Variants in TMEM260 observed in about 807,000 individuals in gnomAD.
TMEM260 encodes the protein protein O-mannosyl-transferase TMEM260.
TMEM260 carries 82 observed loss-of-function variants against 88.9 expected under a neutral mutation model. That is an observed-to-expected ratio of 0.92 (90% CI 0.77 to 1.11). TMEM260 has a LOEUF of 1.11. TMEM260 is among the 50% of genes least tolerant of loss of function. The pLI, the probability that TMEM260 is intolerant of heterozygous loss-of-function variation, is 0.00. For synonymous variants in TMEM260, 314 were observed against 309.3 expected, an observed-to-expected ratio of 1.02 and a Z score of -0.16; for missense variants, 902 against 853.4, an observed-to-expected ratio of 1.06 and a Z score of -0.71.
chr14:56,593,626 T>C (rs1886006728), intron 3 of TMEM260, among the ~76,000 whole-genome samples: 1 of 149,996 alleles, frequency 6.7e-6, no homozygotes, highest in Non-Finnish European at 1.5e-5. Context: ...AGTTTACCTC[T>C]CTAACAGTGT....
chr14:56,619,206 C>T (rs1887763504), intron 10 of TMEM260, among the ~76,000 whole-genome samples: 1 of 152,174 alleles, frequency 6.6e-6, no homozygotes, highest in South Asian at 2.1e-4. Context: ...AGGTCTTATT[C>T]TGTCCCCTAG....
chr14:56,589,905 C>T (rs1285934156), intron 3 of TMEM260, among the ~76,000 whole-genome samples: 2 of 152,102 alleles, frequency 1.3e-5, no homozygotes, highest in African/African-American at 2.4e-5. Context: ...TTAGAGAATG[C>T]GGAATCTCTT....
intron 15 of TMEM260, 108 bp downstream of exon 15, chr14:56,636,706 TTC>T (rs1224475550): frequency 2.3e-5 from 22 of 971,652 alleles, no homozygotes; most frequent in Middle Eastern, 2.3e-4. Context: ...ATTATTTTAT[TTC>T]TCTCAATTTG....
intron 3 of TMEM260, among the ~76,000 whole-genome samples, chr14:56,593,624 T>G (rs1000160551): frequency 2.0e-5 from 3 of 148,844 alleles, no homozygotes; most frequent in Non-Finnish European, 3.0e-5. Context: ...TAAGTTTACC[T>G]CTCTAACAGT....
intron 3 of TMEM260, among the ~76,000 whole-genome samples, chr14:56,597,471 C>G (rs1481918648): frequency 2.6e-5 from 4 of 152,072 alleles, no homozygotes; most frequent in Non-Finnish European, 5.9e-5. Context: ...TAGGGACTTG[C>G]AAGTCATTTA....
At position 56,609,130 on chromosome 14, in the gene TMEM260, A is replaced by G; in HGVS notation, c.661A>G (p.Lys221Glu). Reference protein sequence around the residue: ...KKELSLGSLLKLSLYFSAGLL... With the variant: ...KKELSLGSLLELSLYFSAGLL... ...GGAACTCTCCCTGGGCTCTTTGTTG[A>G]AGTTGAGCCTGTACTTCTCTGCTGG... The change falls in exon 6 of 16, where the codon AAG becomes GAG. Residue 221 changes from lysine to glutamate, a missense_variant. Lys to Glu is a moderately conservative substitution (Grantham distance 56). Transcript: ENST00000261556. The G allele has an allele frequency of 6.2e-7, 1 of 1,614,040 alleles. No individual in the cohort carries two copies. The highest frequency in any genetic ancestry group is 8.5e-7 in the Non-Finnish European group (1 of 1,179,954).
chr14:56,649,979 C>T, downstream of TMEM260: 1 of 365,622 alleles, frequency 2.7e-6, no homozygotes, highest in Middle Eastern at 3.9e-4. Context: ...GGGCTTCATT[C>T]CCAGATGAAC....
chr14:56,614,221 A>T lies in TMEM260; in HGVS notation c.858-1723A>T, dbSNP rs1435456944. Among the ~76,000 whole-genome samples the T allele has an allele frequency of 1.1e-4, 9 of 82,284 alleles. No homozygotes were observed. The South Asian group carries it at 3.9e-3, about 36-fold the overall frequency. The allele number at this position is 82,284 out of a possible 152,430, so 54.0% of individuals were successfully genotyped here. A position where few individuals can be genotyped will look rare whatever the true frequency, so the allele number is the denominator to read the frequency against. On this transcript the variant is annotated intron_variant, in intron 7 of 15. Coordinates refer to ENST00000261556, the MANE Select transcript of TMEM260 (RefSeq NM_017799.4). ...AACACAACCGGCCTACAAAACATTAAAAAAAAAAAAAAAAAAGGCATGGTG... is the reference window on the plus strand; with the variant it reads ...AACACAACCGGCCTACAAAACATTATAAAAAAAAAAAAAAAAGGCATGGTG...
In TMEM260 at chr14:56,599,610, TAGC is replaced by T. The variant is rs1474897090; in HGVS notation, c.345-4202_345-4200del. Among the ~76,000 whole-genome samples, 4 of 152,328 alleles carry T rather than the reference TAGC, an allele frequency of 2.6e-5. No individual in the cohort carries two copies. In the South Asian group the frequency reaches 6.2e-4, roughly 24 times the overall value. ...GGTAAACTTTAAAAAAAATTTGTAT[TAGC>T]AGAGGAGTCTTCTTATACATGTAGC... On this transcript the variant is annotated intron_variant, in intron 3 of 15. Coordinates refer to ENST00000261556, the MANE Select transcript of TMEM260 (RefSeq NM_017799.4).
chr14:56,657,037 T>G, the TMEM260 span, among the ~76,000 whole-genome samples: 1 of 152,156 alleles, frequency 6.6e-6, no homozygotes, highest in African/African-American at 2.4e-5. Context: ...TTCCCAAACT[T>G]AGATTTTACC....
intron 12 of TMEM260, among the ~76,000 whole-genome samples, chr14:56,632,540 T>C (rs1368934863): frequency 6.6e-6 from 1 of 151,248 alleles, no homozygotes; most frequent in Non-Finnish European, 1.5e-5. Flanking sequence ...TGCTACTTCT[T>C]GGGCTGCAAA....
chr14:56,645,508 G>A (rs971241512), intron 15 of TMEM260, among the ~76,000 whole-genome samples: 2 of 151,946 alleles, frequency 1.3e-5, no homozygotes, highest in African/African-American at 4.8e-5. Flanking sequence ...TGGGGGTAGG[G>A]GGGAGGGATA....
chr14:56,626,125 G>T (rs1888231163), intron 12 of TMEM260, among the ~76,000 whole-genome samples: 1 of 152,134 alleles, frequency 6.6e-6, no homozygotes, highest in Admixed American at 6.6e-5. Flanking sequence ...AGATTGTCCA[G>T]AGCTTGAAGA....
At position 56,603,798 on chromosome 14, in the gene TMEM260, G is replaced by A. The variant is rs1218576268; in HGVS notation, c.345-17G>A. ...TTTTTGTTGGAAAAGAAGATTTCAT[G>A]TTATCTGTGTTTGCAGGCTTTCTGG... is the stretch of plus-strand genomic sequence containing the variant. On this transcript the variant is annotated splice_polypyrimidine_tract_variant and intron_variant, in intron 3 of 15. Transcript: ENST00000261556. The A allele has an allele frequency of 6.2e-7, 1 of 1,613,482 alleles. No individual in the cohort carries two copies. The highest frequency in any genetic ancestry group is 8.5e-7 in the Non-Finnish European group (1 of 1,179,568).
intron 15 of TMEM260, chr14:56,638,386 C>G (rs935051905): frequency 6.6e-6 from 1 of 151,886 alleles, no homozygotes; most frequent in African/African-American, 2.4e-5. Context: ...TCCTGTTTAT[C>G]TCTAATACCT....
At chr14:56,597,400 A>G (rs575916989) in intron 3 of TMEM260, among the ~76,000 whole-genome samples, 46 of 152,330 alleles carry the variant, frequency 3.0e-4, no homozygotes, top group African/African-American at 9.1e-4. Context: ...GGGATCCTCA[A>G]CCTGTAATAG....
intron 5 of TMEM260, among the ~76,000 whole-genome samples, chr14:56,606,491 G>C (rs971414273): frequency 4.6e-5 from 7 of 152,144 alleles, no homozygotes; most frequent in African/African-American, 1.7e-4. Flanking sequence ...CAAAGCTTTA[G>C]ATAACTATAT....
intron 8 of TMEM260, 102 bp from the exon 9 acceptor site, chr14:56,617,081 A>C (rs1316764872): frequency 2.5e-5 from 16 of 639,064 alleles, no homozygotes; most frequent in Non-Finnish European, 3.5e-5. Flanking sequence ...CCTAGTTAAA[A>C]ATGGAAAGTT....
At chr14:56,587,892 G>T in intron 3 of TMEM260, among the ~76,000 whole-genome samples, 1 of 152,058 alleles carries the variant, frequency 6.6e-6, no homozygotes, top group Non-Finnish European at 1.5e-5. Context: ...TTGAGTGGAA[G>T]AAGACATTAT....
Sources: allele counts gnomAD v4.1 joint callset (sites outside exome capture counted in the v4.1 genomes callset), GRCh38; gene constraint gnomAD v4.1.1; transcripts MANE v1.5; gene names NCBI Gene and HGNC (gene_info 2026-07-23, HGNC 2026-07-21).